RENBP: variants seen among roughly 807,000 people sequenced by gnomAD.
RENBP encodes renin binding protein, also known as N-acylglucosamine 2-epimerase.
In RENBP, 16 loss-of-function variants were observed where a neutral mutation model predicts 37.8. The observed-to-expected ratio is 0.42, with a 90% CI of 0.29 to 0.64. The LOEUF (loss-of-function observed/expected upper bound fraction) is 0.64, where lower values mean the gene tolerates loss of function less well. Ranked by LOEUF, RENBP falls within the 30% of genes least tolerant of loss-of-function variation. RENBP has a pLI of 0.19. For synonymous variants in RENBP, 170 were observed against 154.8 expected (o/e 1.10, Z -0.73); for missense variants, 347 against 379.5 (o/e 0.91, Z 0.71).
intron 9 of RENBP, among the ~76,000 whole-genome samples, chrX:153,938,608 C>T (rs1166381382): frequency 9.0e-6 from 1 of 110,679 alleles, no homozygotes; most frequent in Non-Finnish European, 1.9e-5. Context: ...CTGTGTTCAG[C>T]AGCTCGAGTT....
chrX:153,942,873 C>G lies in RENBP; in HGVS notation c.669G>C (p.Arg223Ser). 8.4e-7 allele frequency: 1 copy of G among 1,191,663 alleles called. No individual in the cohort carries two copies. The highest frequency in any genetic ancestry group is 1.1e-6 in the Non-Finnish European group (1 of 881,944). The change falls in exon 6 of 11, where the codon AGG (arginine) becomes AGC (serine). Residue 223 changes from arginine to serine, a missense_variant. By Grantham distance (110) the Arg-to-Ser change is moderately radical. Coordinates refer to ENST00000393700, the MANE Select transcript of RENBP (RefSeq NM_002910.6). ...CCCCCACCTGCACGTGCTGCAGAAT[C>G]CTCCGGGCGCACCAGTCCCCCAGCT... Reference protein sequence around the residue: ...YAELGDWCARRILQHVQRDGQ... With the variant: ...YAELGDWCARSILQHVQRDGQ...
At chrX:153,937,469 C>T (rs1327650383) in intron 9 of RENBP, among the ~76,000 whole-genome samples, 1 of 109,932 alleles carries the variant, frequency 9.1e-6, no homozygotes, top group Non-Finnish European at 1.9e-5. Context: ...CGGAGTTTCG[C>T]TCTTGTCACC....
chrX:153,944,619 C>T lies in RENBP; in HGVS notation c.-9G>A. 2 of 1,166,665 alleles carry T rather than the reference C, an allele frequency of 1.7e-6. No individual in the cohort carries two copies. The highest frequency in any genetic ancestry group is 2.3e-6 in the Non-Finnish European group (2 of 872,238). ...GGGAGACCCTTGCTCATCCCTCCTG[C>T]TCCTCTAGGAAGCCAGACAGAGTTG... On this transcript the variant is annotated 5_prime_UTR_variant, in exon 1 of 11. Transcript: ENST00000393700.
chrX:153,940,106 C>T lies in RENBP; in HGVS notation c.1073G>A (p.Arg358His), dbSNP rs140540978. Residue 358 changes from arginine to histidine, a missense_variant, in exon 9 of 11, where the codon CGC (arginine) becomes CAC (histidine). Physicochemically the swap from Arg to His is conservative, Grantham distance 29 (BLOSUM62 0). Coordinates refer to ENST00000393700, the MANE Select transcript of RENBP (RefSeq NM_002910.6). ...GGACAAGGAGGCAGCTCTCACCTGG[C>T]GGAAGGTGTACTCAGCCACTTGGTA... ...LFYQVAEYTFRQFRDPEYGEW... is the reference protein window; with the variant it reads ...LFYQVAEYTFHQFRDPEYGEW... 15 of 1,208,717 alleles carry T rather than the reference C, an allele frequency of 1.2e-5. No homozygotes were observed. The highest frequency in any genetic ancestry group is 3.0e-5 in the East Asian group (1 of 33,731).
At chrX:153,944,532 C>T in intron 1 of RENBP, 52 bp downstream of exon 1, 1 of 1,171,270 alleles carries the variant, frequency 8.5e-7, no homozygotes, top group Non-Finnish European at 1.2e-6. Context: ...CAGACGTCAC[C>T]ATCCCCGGGA....
At chrX:153,937,253 C>A (rs146360869) in intron 9 of RENBP, 3,740 of 107,720 alleles carry the variant, frequency 0.035, 163 homozygotes, top group African/African-American at 0.12. Flanking sequence ...AAAACTAGTT[C>A]TGTGTGTATT....
In RENBP at chrX:153,938,786, T is replaced by TTTG. The variant is rs1437107331; in HGVS notation, c.1077+1315_1077+1316insCAA. Among the ~76,000 whole-genome samples the TTTG allele has an allele frequency of 2.0e-4, 19 of 93,710 alleles. 1 individual carries two copies. The highest frequency in any genetic ancestry group is 1.1e-3 in the South Asian group (2 of 1,761). The allele number at this position is 93,710 out of a possible 115,157, so 81.4% of individuals were successfully genotyped here. ...GATCTCAGCAGCATCTGTACTGTTT[T>TTTG]TTTTTTTTTGTTTTTTTTTTTTTTG... On this transcript the variant is annotated intron_variant, in intron 9 of 10. Transcript: ENST00000393700.
Position 153,940,653 on chromosome X carries a change from A to C in RENBP, c.946-420T>G, listed in dbSNP as rs782121661. Among the ~76,000 whole-genome samples, 3 of 111,461 alleles carry C rather than the reference A, an allele frequency of 2.7e-5. No homozygotes were observed. The East Asian group carries it at 8.5e-4, about 31-fold the overall frequency. On this transcript the variant is annotated intron_variant, in intron 8 of 10. Transcript: ENST00000393700. ...CAGGTCATAAAGACCTTGCTGATAA[A>C]ACAGGTTGCAGTAAAGGAGCCGGCC...
At chrX:153,944,019 G>A (rs1313733738) in intron 3 of RENBP, 49 bp from the exon 4 acceptor site, 12 of 1,204,537 alleles carry the variant, frequency 1.0e-5, no homozygotes, top group Non-Finnish European at 1.2e-5. Context: ...CTGGGGTGAG[G>A]TGGGGAGACC....
At position 153,944,632 on chromosome X, in the gene RENBP, CCAGA is replaced by C. The variant is rs782171984; in HGVS notation, c.-26_-23del. On this transcript the variant is annotated 5_prime_UTR_variant, in exon 1 of 11. Coordinates refer to ENST00000393700, the MANE Select transcript of RENBP (RefSeq NM_002910.6). ...TCATCCCTCCTGCTCCTCTAGGAAGCCAGACAGAGTTGGTCGCGGTCCCGTGACT... is the reference window on the plus strand; with the variant it reads ...TCATCCCTCCTGCTCCTCTAGGAAGCCAGAGTTGGTCGCGGTCCCGTGACT... 2.9e-4 allele frequency: 339 copies of C among 1,162,117 alleles called. No homozygotes were observed. Among genetic ancestry groups the C allele is most frequent in the Non-Finnish European group, 3.6e-4 (311 of 870,096 alleles).
In RENBP at chrX:153,942,224, G is replaced by A. The variant is rs782567361; in HGVS notation, c.688-193C>T. The A allele has an allele frequency of 2.1e-4, 37 of 175,761 alleles. 1 individual carries two copies. The South Asian group carries it at 5.1e-3, about 24-fold the overall frequency. The allele number at this position is 175,761 out of a possible 1,213,427, so 14.5% of individuals were successfully genotyped here. A position where few individuals can be genotyped will look rare whatever the true frequency, so the allele number is the denominator to read the frequency against. ...TGATTCACTCCCTTGGGCCTAGCAA[G>A]TTGTTGTTTTTTTTTTTTTTTTTTT... is the stretch of plus-strand genomic sequence containing the variant. On this transcript the variant is annotated intron_variant, in intron 6 of 10. Transcript: ENST00000393700.
chrX:153,939,822 C>T (rs1268493294), intron 9 of RENBP, among the ~76,000 whole-genome samples: 2 of 108,948 alleles, frequency 1.8e-5, no homozygotes, highest in African/African-American at 6.7e-5. Flanking sequence ...AGGAAAGAGC[C>T]CCCCCACAAC....
chrX:153,942,659 G>A, intron 6 of RENBP, 196 bp downstream of exon 6: 1 of 439,471 alleles, frequency 2.3e-6, no homozygotes, highest in South Asian at 3.3e-5. Flanking sequence ...GGACTTGGGT[G>A]GGGCAGGAGG....
chrX:153,942,872 T>C lies in RENBP; in HGVS notation c.670A>G (p.Ile224Val). 4.3e-6 allele frequency: 5 copies of C among 1,175,179 alleles called. No homozygotes were observed. Among genetic ancestry groups the C allele is most frequent in the Non-Finnish European group, 4.6e-6 (4 of 870,347 alleles). ...TCCCCCACCTGCACGTGCTGCAGAA[T>C]CCTCCGGGCGCACCAGTCCCCCAGC... ...AELGDWCARRILQHVQRDGQA... is the reference protein window; with the variant it reads ...AELGDWCARRVLQHVQRDGQA... The change falls in exon 6 of 11, where the codon ATT becomes GTT. Residue 224 changes from isoleucine to valine, a missense_variant. Around this residue, in one of 3 missense-constraint regions of RENBP, gnomAD observed 244 missense variants for 279.4 expected, o/e 0.87. Transcript: ENST00000393700.
At position 153,941,472 on chromosome X, in the gene RENBP, T is replaced by C; in HGVS notation, c.945+6A>G. The C allele has an allele frequency of 8.3e-7, 1 of 1,209,574 alleles. No individual in the cohort carries two copies. Among genetic ancestry groups the C allele is most frequent in the Non-Finnish European group, 1.1e-6 (1 of 894,293 alleles). ...GGGTCACACATGGCCCTGGGCGCTC[T>C]CCCACCTGGGTGGGGCAGAAGTTAT... On this transcript the variant is annotated splice_donor_region_variant and intron_variant, in intron 8 of 10. Transcript: ENST00000393700.
chrX:153,942,666 G>A (rs1015130344), intron 6 of RENBP, 189 bp downstream of exon 6: 3 of 446,567 alleles, frequency 6.7e-6, no homozygotes, highest in South Asian at 3.2e-5. Flanking sequence ...GGTGGGGCAG[G>A]AGGGGTCTCC....
intron 2 of RENBP, 60 bp downstream of exon 2, chrX:153,944,249 G>T: frequency 8.6e-7 from 1 of 1,163,721 alleles, no homozygotes; most frequent in African/African-American, 1.8e-5. Context: ...GCCTGAGAGT[G>T]AGAAGGGGCC....
In RENBP at chrX:153,935,691, G is replaced by C. The variant is rs2065196803; in HGVS notation, c.1078-115C>G. ...CCCAGGTGACGTGGCTCCAGAACCA[G>C]CGATCTTAACCGCGACACTGCGTCC... On this transcript the variant is annotated intron_variant, in intron 9 of 10. Coordinates refer to ENST00000393700, the MANE Select transcript of RENBP (RefSeq NM_002910.6). The C allele has an allele frequency of 2.1e-5, 12 of 578,021 alleles. No homozygotes were observed. In the South Asian group the frequency reaches 3.1e-4, roughly 15 times the overall value. The allele number at this position is 578,021 out of a possible 1,213,427, so 47.6% of individuals were successfully genotyped here. A position where few individuals can be genotyped will look rare whatever the true frequency, so the allele number is the denominator to read the frequency against.
intron 5 of RENBP, 81 bp downstream of exon 5, chrX:153,943,465 T>G: frequency 9.9e-7 from 1 of 1,006,875 alleles, no homozygotes; most frequent in Non-Finnish European, 1.4e-6. Flanking sequence ...GGAGGGGACT[T>G]GCGTAGTGAG....
Sources: gnomAD v4.1 joint callset for allele counts (sites outside exome capture counted in the v4.1 genomes callset) on GRCh38, gnomAD v4.1.1 for gene constraint, gnomAD v4.1.1 regional missense constraint, MANE v1.5 for transcripts, NCBI Gene and HGNC (gene_info 2026-07-23, HGNC 2026-07-21) for gene names.